COL17A1: variants seen among roughly 807,000 people sequenced by gnomAD.
COL17A1 encodes the protein collagen type XVII alpha 1 chain.
In COL17A1, 181 loss-of-function variants were observed where a neutral mutation model predicts 218.4. The ratio of observed to expected loss-of-function variants is 0.83; its 90% CI spans 0.73 to 0.94. The LOEUF is 0.94. Among genes scored for constraint, COL17A1 ranks in the 40% least tolerant of loss-of-function variants. COL17A1 has a pLI of 0.00. For missense variants in COL17A1, 1,924 were observed against 1,945.9 expected (o/e 0.99, Z 0.21); for synonymous variants, 721 against 731.0 (o/e 0.99, Z 0.22).
chr10:104,046,630 G>C, intron 32 of COL17A1, 117 bp downstream of exon 32: 1 of 952,010 alleles, frequency 1.1e-6, no homozygotes, highest in Non-Finnish European at 1.7e-6. Flanking sequence ...AAGGGAGTGT[G>C]TGCCAGGGAG....
At chr10:104,071,813 T>C (rs2086671146) in intron 8 of COL17A1, among the ~76,000 whole-genome samples, 1 of 152,184 alleles carries the variant, frequency 6.6e-6, no homozygotes, top group African/African-American at 2.4e-5. Flanking sequence ...TGTGAACTAC[T>C]ACACAGCAGG....
At chr10:104,034,838 G>A (rs1322544859) in intron 50 of COL17A1, 71 bp from the exon 51 acceptor site, 22 of 1,570,752 alleles carry the variant, frequency 1.4e-5, no homozygotes, top group East Asian at 6.9e-5. Context: ...GCCTGTGCTC[G>A]GGGCGCTGTG....
Position 104,047,767 on chromosome 10 carries a change from T to G in COL17A1, c.2307A>C (p.Pro769=). ...LTGMPGIRGP[P]GPSGDPGKPG... ...GCTTTCCTGGGTCTCCAGAAGGTCC[T>G]GGTGGGCCACGGATTCCAGGCATCC... is the stretch of plus-strand genomic sequence containing the variant. Residue 769 remains proline, a synonymous_variant, in exon 31 of 56, where the codon CCA becomes CCC. Transcript: ENST00000648076. 1 of 1,614,216 alleles carries G rather than the reference T, an allele frequency of 6.2e-7. No individual in the cohort carries two copies. Among genetic ancestry groups the G allele is most frequent in the Non-Finnish European group, 8.5e-7 (1 of 1,180,032 alleles).
chr10:104,077,934 G>A (rs2086726199), intron 3 of COL17A1, among the ~76,000 whole-genome samples: 1 of 152,364 alleles, frequency 6.6e-6, no homozygotes, highest in East Asian at 1.9e-4. Context: ...CACTAGAAGT[G>A]CTGGAGGGGC....
chr10:104,077,516 G>T lies in COL17A1; in HGVS notation c.108C>A (p.Thr36=), dbSNP rs1452911897. The change falls in exon 4 of 56, where the codon ACC becomes ACA. Residue 36 remains threonine, a synonymous_variant. Coordinates refer to ENST00000648076, the MANE Select transcript of COL17A1 (RefSeq NM_000494.4). ...RLTSLPPKGG[T]SNGYAKTASL... is the part of the protein sequence containing the mutation. Reference sequence around the variant, plus strand: ...AGGCTGTTTTAGCATAGCCATTGCTGGTCCCGCCTTCTGCCAGGAACAAAA... The same window carrying T: ...AGGCTGTTTTAGCATAGCCATTGCTTGTCCCGCCTTCTGCCAGGAACAAAA... The T allele has an allele frequency of 6.2e-7, 1 of 1,611,780 alleles. No individual in the cohort carries two copies. The highest frequency in any genetic ancestry group is 8.5e-7 in the Non-Finnish European group (1 of 1,179,200).
Position 104,037,722 on chromosome 10 carries a change from G to T in COL17A1, c.3122C>A (p.Pro1041His). The part of the protein sequence containing the change: ...LSGVQGPPGP[P>H]GPPGPVTTIT... ...GGTGGTGACAGGTCCTGGGGGACCA[G>T]GTGGGCCTGGGGGACCCTGAACTCC... The change falls in exon 46 of 56, where the codon CCT (proline) becomes CAT (histidine). Residue 1041 changes from proline to histidine, a missense_variant. Transcript: ENST00000648076. The T allele has an allele frequency of 6.2e-7, 1 of 1,614,156 alleles. No homozygotes were observed. Among genetic ancestry groups the T allele is most frequent in the Non-Finnish European group, 8.5e-7 (1 of 1,180,014 alleles).
chr10:104,057,809 T>C (rs1245339799), intron 16 of COL17A1, among the ~76,000 whole-genome samples: 1 of 152,096 alleles, frequency 6.6e-6, no homozygotes, highest in East Asian at 1.9e-4. Context: ...GAGGCGTGCA[T>C]GGCTTAGTCT....
At position 104,032,961 on chromosome 10, in the gene COL17A1, T is replaced by C. The variant is rs1210663645; in HGVS notation, c.4302A>G (p.Gly1434=). Residue 1434 remains glycine (G), a synonymous_variant, in exon 54 of 56, where the codon GGA becomes GGG. Transcript: ENST00000648076. ...TTTGCCCAGGGGGTCCTTGAATGGC[T>C]CCATAAGCTGCAAAAGCAAGGAAAC... is the stretch of plus-strand genomic sequence containing the variant. ...ADLMDFFQTY[G]AIQGPPGQKG... 6.2e-6 allele frequency: 10 copies of C among 1,613,754 alleles called. No individual in the cohort carries two copies. The highest frequency in any genetic ancestry group is 8.5e-6 in the Non-Finnish European group (10 of 1,179,908).
At chr10:104,042,689 A>T (rs1424942797) in intron 35 of COL17A1, among the ~76,000 whole-genome samples, 1 of 152,156 alleles carries the variant, frequency 6.6e-6, no homozygotes, top group Non-Finnish European at 1.5e-5. Context: ...CTGTCCTGTA[A>T]TGGTTAGGGA....
At chr10:104,082,896 C>T (rs1003025297) in intron 1 of COL17A1, among the ~76,000 whole-genome samples, 1 of 152,196 alleles carries the variant, frequency 6.6e-6, no homozygotes, top group Non-Finnish European at 1.5e-5. Flanking sequence ...AAGTGATGAC[C>T]TACTTAGAAA....
intron 31 of COL17A1, 65 bp from the exon 32 acceptor site, chr10:104,046,838 C>T: frequency 6.6e-7 from 1 of 1,505,138 alleles, no homozygotes; most frequent in Non-Finnish European, 9.2e-7. Flanking sequence ...TAGCCACACC[C>T]ACACCTGCAG....
intron 6 of COL17A1, 95 bp downstream of exon 6, chr10:104,074,089 T>G: frequency 6.3e-7 from 1 of 1,590,668 alleles, no homozygotes; most frequent in Admixed American, 1.7e-5. Context: ...TCCATTTAAC[T>G]CATGAGGTCC....
intron 50 of COL17A1, 105 bp downstream of exon 50, chr10:104,035,158 G>T: frequency 2.0e-6 from 2 of 992,566 alleles, no homozygotes; most frequent in Non-Finnish European, 3.1e-6. Context: ...ACCCAGCACT[G>T]TACAGGCTCC....
intron 36 of COL17A1, 130 bp from the exon 37 acceptor site, chr10:104,041,668 T>C: frequency 2.6e-6 from 2 of 759,200 alleles, no homozygotes; most frequent in Non-Finnish European, 4.5e-6. Context: ...CACCAGGCCC[T>C]GTGTCATGGC....
intron 30 of COL17A1, 112 bp downstream of exon 30, chr10:104,047,957 A>C: frequency 1.4e-6 from 2 of 1,425,972 alleles, no homozygotes; most frequent in Non-Finnish European, 2.0e-6. Flanking sequence ...GACACTGCAC[A>C]CTTCCACATG....
chr10:104,058,072 A>G (rs1046511640), intron 16 of COL17A1, 74 bp downstream of exon 16: 9 of 1,602,436 alleles, frequency 5.6e-6, no homozygotes, highest in East Asian at 2.2e-5. Context: ...CAGGCGAGGG[A>G]CCATCATCTG....
chr10:104,034,685 G>A lies in COL17A1; in HGVS notation c.3702C>T (p.Ala1234=). 6.2e-7 allele frequency: 1 copy of A among 1,610,684 alleles called. No homozygotes were observed. The highest frequency in any genetic ancestry group is 8.5e-7 in the Non-Finnish European group (1 of 1,178,876). The part of the protein sequence containing the change: ...GPRGPPGVSG[A]LATYAAENSD... Reference sequence around the variant, plus strand: ...TGTTTTCAGCTGCATAGGTTGCCAGGGCTCCTGAGACACCCGGGGGCCCTC... The same window carrying A: ...TGTTTTCAGCTGCATAGGTTGCCAGAGCTCCTGAGACACCCGGGGGCCCTC... Residue 1234 remains alanine, a synonymous_variant, in exon 51 of 56, where the codon GCC becomes GCT. Transcript: ENST00000648076.
chr10:104,075,220 T>C (rs1256975419), intron 5 of COL17A1, among the ~76,000 whole-genome samples: 1 of 152,080 alleles, frequency 6.6e-6, no homozygotes, highest in Non-Finnish European at 1.5e-5. Context: ...TCCACCTGGG[T>C]ATCTGGGCCC....
At chr10:104,052,788 G>A (rs902695193) in intron 23 of COL17A1, among the ~76,000 whole-genome samples, 11 of 152,140 alleles carry the variant, frequency 7.2e-5, no homozygotes, top group African/African-American at 2.2e-4. Context: ...CACTGCTCCT[G>A]TGACCACTTT....
Sources: gnomAD v4.1 joint callset for allele counts (sites outside exome capture counted in the v4.1 genomes callset) on GRCh38, gnomAD v4.1.1 for gene constraint, MANE v1.5 for transcripts, NCBI Gene and HGNC (gene_info 2026-07-23, HGNC 2026-07-21) for gene names.